SAMD4B: variants seen among roughly 807,000 people sequenced by gnomAD.
The protein encoded by SAMD4B is protein Smaug homolog 2.
Under a neutral mutation model 74.5 loss-of-function variants are expected in SAMD4B, and 5 were observed. The ratio of observed to expected loss-of-function variants is 0.07; its 90% CI spans 0.04 to 0.14. The LOEUF (loss-of-function observed/expected upper bound fraction) is 0.14, where lower values mean the gene tolerates loss of function less well. Ranked by LOEUF, SAMD4B falls within the 10% of genes least tolerant of loss-of-function variation. The probability of loss-of-function intolerance (pLI) is 1.00; values close to 1 mark genes in which losing one functional copy is unlikely to be tolerated. For synonymous variants in SAMD4B, 373 were observed against 374.9 expected, an observed-to-expected ratio of 1.00 and a Z score of 0.06; for missense variants, 608 against 921.8, an observed-to-expected ratio of 0.66 and a Z score of 4.41.
At chr19:39,345,786 G>A (rs960052488) in intron 1 of SAMD4B, among the ~76,000 whole-genome samples, 1 of 152,278 alleles carries the variant, frequency 6.6e-6, no homozygotes, top group Admixed American at 6.5e-5. Flanking sequence ...TTCTGCATTT[G>A]GCCAGAAATC....
At chr19:39,344,444 CTT>C (rs1273632053) in intron 1 of SAMD4B, among the ~76,000 whole-genome samples, 1 of 152,140 alleles carries the variant, frequency 6.6e-6, no homozygotes, top group African/African-American at 2.4e-5. Flanking sequence ...TCCTCAGACA[CTT>C]TTTAGAGAAT....
At chr19:39,345,485 A>G (rs1241835920) in intron 1 of SAMD4B, among the ~76,000 whole-genome samples, 2 of 152,038 alleles carry the variant, frequency 1.3e-5, no homozygotes, top group Non-Finnish European at 2.9e-5. Flanking sequence ...GAACACACAT[A>G]TCCATCTCTT....
At chr19:39,353,635 T>C (rs557851314) in intron 1 of SAMD4B, among the ~76,000 whole-genome samples, 2 of 152,290 alleles carry the variant, frequency 1.3e-5, no homozygotes, top group South Asian at 4.1e-4. Flanking sequence ...GGAATCCCGC[T>C]CTGTCACCCA....
rs1248022818 is a variant in SAMD4B, at chr19:39,375,249, A to G, written c.668-401A>G. The stretch of plus-strand genomic sequence containing the variant: ...GCATTTGTATTTTGTTCCCACTATG[A>G]AAGGAAGTCACAGGGATTTGAGCAG... On this transcript the variant is annotated intron_variant, in intron 4 of 13. Coordinates refer to ENST00000610417, the MANE Select transcript of SAMD4B (RefSeq NM_001384574.2). The surrounding 1 kb of genome is among the most constrained non-coding windows in gnomAD (Gnocchi z 4.1). Among the ~76,000 whole-genome samples the G allele has an allele frequency of 6.6e-6, 1 of 152,132 alleles. No homozygotes were observed. The highest frequency in any genetic ancestry group is 2.4e-5 in the African/African-American group (1 of 41,414).
At chr19:39,352,719 A>G (rs1194358752) in intron 1 of SAMD4B, among the ~76,000 whole-genome samples, 4 of 151,422 alleles carry the variant, frequency 2.6e-5, no homozygotes, top group East Asian at 3.9e-4. Context: ...CCTGGGGGGA[A>G]AAGCTGGATT....
intron 3 of SAMD4B, among the ~76,000 whole-genome samples, chr19:39,364,400 CTGAA>C (rs1361356420): frequency 2.0e-5 from 3 of 152,232 alleles, no homozygotes; most frequent in Non-Finnish European, 2.9e-5. Context: ...GAGCCACAGA[CTGAA>C]TGTTTACTAT....
intron 1 of SAMD4B, among the ~76,000 whole-genome samples, chr19:39,349,054 A>C (rs894681295): frequency 3.9e-5 from 6 of 152,194 alleles, no homozygotes; most frequent in African/African-American, 1.4e-4. Flanking sequence ...GCCCAAAATT[A>C]CACAGGTAGT....
At chr19:39,389,912 C>T, downstream of SAMD4B, 1 of 1,138,964 alleles carries the variant, frequency 8.8e-7, no homozygotes, top group Non-Finnish European at 1.3e-6. The surrounding 1 kb of genome is among the most constrained non-coding windows in gnomAD (Gnocchi z 5.3). Context: ...TGGGAAGGGA[C>T]TTGGACACTG....
intron 4 of SAMD4B, among the ~76,000 whole-genome samples, chr19:39,371,634 T>C (rs2077302953): frequency 6.6e-6 from 1 of 152,060 alleles, no homozygotes. Flanking sequence ...CTGACCAACA[T>C]GGTGAAACCT....
In SAMD4B at chr19:39,378,438, G is replaced by A; in HGVS notation, c.1445-66G>A. On this transcript the variant is annotated intron_variant, in intron 8 of 13. Transcript: ENST00000610417. The surrounding 1 kb of genome is among the most constrained non-coding windows in gnomAD (Gnocchi z 4.4). ...GTTCCTTCTTGTGCACGAGCCAGCT[G>A]GAGGCTGGAACATGGCAGAGGGCAT... 7.0e-7 allele frequency: 1 copy of A among 1,421,470 alleles called. No individual in the cohort carries two copies. Among genetic ancestry groups the A allele is most frequent in the Non-Finnish European group, 9.9e-7 (1 of 1,007,916 alleles). The allele number at this position is 1,421,470 out of a possible 1,614,324, so 88.1% of individuals were successfully genotyped here. A position where few individuals can be genotyped will look rare whatever the true frequency, so the allele number is the denominator to read the frequency against.
In SAMD4B at chr19:39,384,353, G is replaced by A. The variant is rs2078176657; in HGVS notation, c.*826G>A. 6.6e-6 allele frequency: 1 copy of A among 152,600 alleles called. No homozygotes were observed. Among genetic ancestry groups the A allele is most frequent in the African/African-American group, 2.4e-5 (1 of 41,416 alleles). 9.5% of individuals were successfully genotyped at this position (152,600 alleles called of 1,614,324 possible). A position where few individuals can be genotyped will look rare whatever the true frequency, so the allele number is the denominator to read the frequency against. On this transcript the variant is annotated 3_prime_UTR_variant, in exon 14 of 14. Transcript: ENST00000610417. ...CAGCCCTGGCTACCCGGATGAAGAG[G>A]TTGGAGGTGGGCAGCCAGGGTAGCC...
chr19:39,380,779 C>T lies in SAMD4B; in HGVS notation c.1842C>T (p.Gly614=). ...CCAGCCCCAGCCTTGGAGGCCAGGG[C>T]CGACAGGTAAGCTGGCTGGAAGCAG... is the stretch of plus-strand genomic sequence containing the variant. ...ALTSPSLGGQ[G]RQNLWFANPG... The change falls in exon 11 of 14, where the codon GGC becomes GGT. Residue 614 remains glycine, a synonymous_variant. Transcript: ENST00000610417. The T allele has an allele frequency of 3.2e-6, 5 of 1,544,426 alleles. No individual in the cohort carries two copies. The highest frequency in any genetic ancestry group is 3.5e-6 in the Non-Finnish European group (4 of 1,146,972).
At chr19:39,354,165 TGGGC>T (rs1433560829) in intron 2 of SAMD4B, 99 bp downstream of exon 2, 1 of 152,236 alleles carries the variant, frequency 6.6e-6, no homozygotes, top group African/African-American at 2.4e-5. Flanking sequence ...ATCAGTGGCT[TGGGC>T]AGGACTAGAA....
In SAMD4B at chr19:39,383,737, G is replaced by C; in HGVS notation, c.*210G>C. The C allele has an allele frequency of 6.5e-7, 1 of 1,532,590 alleles. No homozygotes were observed. Among genetic ancestry groups the C allele is most frequent in the Non-Finnish European group, 8.7e-7 (1 of 1,144,036 alleles). The allele number at this position is 1,532,590 out of a possible 1,614,324, so 94.9% of individuals were successfully genotyped here. On this transcript the variant is annotated 3_prime_UTR_variant, in exon 14 of 14. Coordinates refer to ENST00000610417, the MANE Select transcript of SAMD4B (RefSeq NM_001384574.2). This position sits in a 1 kb window ranked among gnomAD's most constrained non-coding sequence, Gnocchi z 4.1. ...GTCGAGGGATCTCTGCTGAGGCCCG[G>C]GGAGTTGGGGGCAGCCAGGATAAAG...
intron 4 of SAMD4B, among the ~76,000 whole-genome samples, chr19:39,372,640 A>G (rs1486321970): frequency 6.6e-6 from 1 of 152,096 alleles, no homozygotes; most frequent in Non-Finnish European, 1.5e-5. Flanking sequence ...TGTTTTTGTC[A>G]TTCTCATGCT....
chr19:39,348,609 T>C (rs946104758), intron 1 of SAMD4B, among the ~76,000 whole-genome samples: 2 of 152,230 alleles, frequency 1.3e-5, no homozygotes, highest in East Asian at 3.8e-4. Context: ...AAGGAGTTTC[T>C]ATTTTCATTT....
chr19:39,343,843 C>T lies in SAMD4B; in HGVS notation c.-267+1267C>T, dbSNP rs376036444. ...TCCTCATGGTTTTTCTCTCAGATCC[C>T]GTAGAACTCCCCTTCACTAACACCT... On this transcript the variant is annotated intron_variant, in intron 1 of 13. Transcript: ENST00000610417. Among the ~76,000 whole-genome samples, 52 of 152,036 alleles carry T rather than the reference C, an allele frequency of 3.4e-4. No individual in the cohort carries two copies. The South Asian group carries it at 0.01, about 30-fold the overall frequency.
chr19:39,389,483 T>C (rs747838517), downstream of SAMD4B: 129 of 1,613,890 alleles, frequency 8.0e-5, no homozygotes, highest in Non-Finnish European at 1.0e-4. This position sits in a 1 kb window ranked among gnomAD's most constrained non-coding sequence, Gnocchi z 5.3. Context: ...CACTCACCTC[T>C]TGGAGCTGGT....
At chr19:39,380,896 G>C (rs947327804) in intron 11 of SAMD4B, 94 bp from the exon 12 acceptor site, 1 of 1,520,580 alleles carries the variant, frequency 6.6e-7, no homozygotes, top group Middle Eastern at 1.9e-4. Context: ...GGTGGCGGGG[G>C]TGGGAGTGGG....
Sources: allele counts gnomAD v4.1 joint callset (sites outside exome capture counted in the v4.1 genomes callset), GRCh38; gene constraint gnomAD v4.1.1; non-coding constraint Gnocchi (gnomAD v3.1); transcripts MANE v1.5; gene names NCBI Gene and HGNC (gene_info 2026-07-23, HGNC 2026-07-21).